The following WWP2 variants were observed in gnomAD, a reference collection of about 807,000 sequenced individuals.
WWP2 encodes the protein WW domain containing E3 ubiquitin protein ligase 2.
WWP2 carries 57 observed loss-of-function variants against 121.0 expected under a neutral mutation model. The observed-to-expected ratio is 0.47, with a 90% CI of 0.38 to 0.59. The LOEUF is 0.59. WWP2 is among the 20% of genes least tolerant of loss of function. The pLI, the probability that WWP2 is intolerant of heterozygous loss-of-function variation, is 0.00. For synonymous variants in WWP2, 449 were observed against 441.3 expected (o/e 1.02, Z -0.22); for missense variants, 962 against 1,158.9 (o/e 0.83, Z 2.47).
chr16:69,799,049 A>G lies in WWP2; in HGVS notation c.219-125A>G. 2 of 1,436,478 alleles carry G rather than the reference A, an allele frequency of 1.4e-6. No homozygotes were observed. Among genetic ancestry groups the G allele is most frequent in the Non-Finnish European group, 9.4e-7 (1 of 1,060,366 alleles). The allele number at this position is 1,436,478 out of a possible 1,614,324, so 89.0% of individuals were successfully genotyped here. On this transcript the variant is annotated intron_variant, in intron 3 of 23. Coordinates refer to ENST00000359154, the MANE Select transcript of WWP2 (RefSeq NM_001270454.2). The surrounding 1 kb of genome is among the most constrained non-coding windows in gnomAD (Gnocchi z 4.5). ...GGTCAGCTTTGAGAGGGGAAAGGAT[A>G]TATGTGGGTGTCTGCCTGTTTTGGT...
intron 1 of WWP2, chr16:69,786,149 T>TTTC (rs2055784501): frequency 6.7e-6 from 1 of 149,452 alleles, no homozygotes; most frequent in African/African-American, 2.5e-5. Flanking sequence ...TTTTTTTTTT[T>TTTC]TTCTTCTTTT....
intron 6 of WWP2, among the ~76,000 whole-genome samples, chr16:69,859,163 C>T (rs1021618040): frequency 6.6e-6 from 1 of 152,190 alleles, no homozygotes; most frequent in Non-Finnish European, 1.5e-5. Context: ...CAGGATCACA[C>T]GGCTGACTTT....
At chr16:69,838,758 C>T in intron 4 of WWP2, 1 of 985,394 alleles carries the variant, frequency 1.0e-6, no homozygotes, top group African/African-American at 1.7e-5. Flanking sequence ...ACGTTTAGTA[C>T]TCACCAAGGC....
chr16:69,925,226 C>G lies in WWP2; in HGVS notation c.1180-204C>G. 4.9e-6 allele frequency: 7 copies of G among 1,437,294 alleles called. No individual in the cohort carries two copies. Among genetic ancestry groups the G allele is most frequent in the Non-Finnish European group, 6.4e-6 (7 of 1,097,056 alleles). The allele number at this position is 1,437,294 out of a possible 1,614,324, so 89.0% of individuals were successfully genotyped here. On this transcript the variant is annotated intron_variant, in intron 10 of 23. Coordinates refer to ENST00000359154, the MANE Select transcript of WWP2 (RefSeq NM_001270454.2). The surrounding 1 kb of genome is among the most constrained non-coding windows in gnomAD (Gnocchi z 4.0). ...ACTTGGGCCCTCCGTGCGCAGGGTTCTTTTTTGGTTTTTCTGTAAAAATCA... is the reference window on the plus strand; with the variant it reads ...ACTTGGGCCCTCCGTGCGCAGGGTTGTTTTTTGGTTTTTCTGTAAAAATCA...
At chr16:69,843,483 G>A (rs2057016429) in intron 6 of WWP2, among the ~76,000 whole-genome samples, 1 of 152,110 alleles carries the variant, frequency 6.6e-6, no homozygotes, top group Non-Finnish European at 1.5e-5. Flanking sequence ...AGGACATTTT[G>A]AGGAAAATAA....
intron 8 of WWP2, among the ~76,000 whole-genome samples, chr16:69,889,436 T>C (rs570748718): frequency 1.3e-5 from 2 of 152,332 alleles, no homozygotes; most frequent in African/African-American, 4.8e-5. Context: ...ATTATAAGCA[T>C]GGACCTGTGA....
intron 2 of WWP2, among the ~76,000 whole-genome samples, chr16:69,796,310 G>A (rs917665952): frequency 6.6e-5 from 10 of 152,194 alleles, no homozygotes; most frequent in African/African-American, 2.2e-4. Flanking sequence ...CCCATCATAA[G>A]TTGAACATAT....
intron 7 of WWP2, among the ~76,000 whole-genome samples, chr16:69,880,855 T>C (rs912773613): frequency 1.3e-5 from 2 of 152,166 alleles, no homozygotes; most frequent in Non-Finnish European, 2.9e-5. Flanking sequence ...CGTGCCTGAG[T>C]GCAGGGCCGA....
chr16:69,780,728 G>C (rs2055645820), intron 1 of WWP2, among the ~76,000 whole-genome samples: 1 of 152,210 alleles, frequency 6.6e-6, no homozygotes, highest in Non-Finnish European at 1.5e-5. Flanking sequence ...TTTTGGCCTG[G>C]TGAAATGGCT....
At chr16:69,871,675 T>C (rs2057638713) in intron 6 of WWP2, 129 bp from the exon 7 acceptor site, 3 of 1,370,504 alleles carry the variant, frequency 2.2e-6, no homozygotes, top group Non-Finnish European at 3.0e-6. Flanking sequence ...AGTCCAAAAC[T>C]AGAGGGGCTA....
intron 1 of WWP2, among the ~76,000 whole-genome samples, chr16:69,784,769 T>C (rs2055746078): frequency 6.6e-6 from 1 of 152,154 alleles, no homozygotes; most frequent in African/African-American, 2.4e-5. Context: ...AATTAATTGC[T>C]TTTTGGGTGA....
chr16:69,800,907 C>T (rs1329630800), intron 4 of WWP2, among the ~76,000 whole-genome samples: 5 of 147,878 alleles, frequency 3.4e-5, no homozygotes, highest in African/African-American at 7.4e-5. Context: ...ATTTTATGGC[C>T]GGGGGTGGTA....
In WWP2 at chr16:69,931,501, T is replaced by C. The variant is rs375270394; in HGVS notation, c.1522-8T>C. 46 of 1,613,362 alleles carry C rather than the reference T, an allele frequency of 2.9e-5. No homozygotes were observed. The African/African-American group carries it at 4.1e-4, about 15-fold the overall frequency. The stretch of plus-strand genomic sequence containing the variant: ...CGATTTAAAGTTCTTTTCTTTTTTT[T>C]TTTTCAGTCAAATGCCCTACCTAGC... On this transcript the variant is annotated splice_polypyrimidine_tract_variant and splice_region_variant and intron_variant, in intron 14 of 23. Coordinates refer to ENST00000359154, the MANE Select transcript of WWP2 (RefSeq NM_001270454.2).
In WWP2 at chr16:69,799,836, A is replaced by G. The variant is rs2056124438; in HGVS notation, c.340+541A>G. Among the ~76,000 whole-genome samples the G allele has an allele frequency of 6.6e-6, 1 of 152,144 alleles. No individual in the cohort carries two copies. Among genetic ancestry groups the G allele is most frequent in the African/African-American group, 2.4e-5 (1 of 41,438 alleles). On this transcript the variant is annotated intron_variant, in intron 4 of 23. Transcript: ENST00000359154. The surrounding 1 kb of genome is among the most constrained non-coding windows in gnomAD (Gnocchi z 4.5). ...ATGGACGCGCCATCTGAATTAGCCA[A>G]CGTGCCTCTACGTCACGGACATATA...
intron 4 of WWP2, among the ~76,000 whole-genome samples, chr16:69,810,061 A>G (rs1337487818): frequency 2.6e-5 from 4 of 152,218 alleles, no homozygotes; most frequent in African/African-American, 4.8e-5. Flanking sequence ...TTCCCGCAGC[A>G]TCTTTTCCTG....
intron 4 of WWP2, among the ~76,000 whole-genome samples, chr16:69,813,904 CTA>C (rs561352603): frequency 4.4e-4 from 67 of 152,240 alleles, no homozygotes; most frequent in African/African-American, 1.4e-3. Context: ...GTAAAATTTA[CTA>C]TGTGATAAAG....
Position 69,939,836 on chromosome 16 carries a change from A to G in WWP2, c.2514-5A>G, listed in dbSNP as rs762571504. 1 of 1,612,794 alleles carries G rather than the reference A, an allele frequency of 6.2e-7. No homozygotes were observed. Among genetic ancestry groups the G allele is most frequent in the South Asian group, 1.1e-5 (1 of 90,838 alleles). ...CTGACTGTCGTGCTTCCCCACTCTC[A>G]ATAGCTTCAACCGTCTGGATCTTCC... On this transcript the variant is annotated splice_polypyrimidine_tract_variant and splice_region_variant and intron_variant, in intron 23 of 23. Coordinates refer to ENST00000359154, the MANE Select transcript of WWP2 (RefSeq NM_001270454.2).
chr16:69,937,415 T>TA lies in WWP2; in HGVS notation c.2239-132dup. 2 of 1,343,196 alleles carry TA rather than the reference T, an allele frequency of 1.5e-6. No homozygotes were observed. Among genetic ancestry groups the TA allele is most frequent in the South Asian group, 1.4e-5 (1 of 72,524 alleles). 83.2% of individuals were successfully genotyped at this position (1,343,196 alleles called of 1,614,324 possible). ...CACTTGTTTCAAGAAAGCAGGGACT[T>TA]ACATTACCCATATTATTAACGCTGA... On this transcript the variant is annotated intron_variant, in intron 20 of 23. Transcript: ENST00000359154. This position sits in a 1 kb window ranked among gnomAD's most constrained non-coding sequence, Gnocchi z 6.6.
At chr16:69,786,838 C>G (rs1388000584) in intron 1 of WWP2, among the ~76,000 whole-genome samples, 158 bp from the exon 2 acceptor site, 3 of 152,178 alleles carry the variant, frequency 2.0e-5, no homozygotes, top group Non-Finnish European at 4.4e-5. Context: ...TGTCCAGGTT[C>G]ATTAAGTCAT....
Sources: allele counts gnomAD v4.1 joint callset (sites outside exome capture counted in the v4.1 genomes callset), GRCh38; gene constraint gnomAD v4.1.1; non-coding constraint Gnocchi (gnomAD v3.1); transcripts MANE v1.5; gene names NCBI Gene and HGNC (gene_info 2026-07-23, HGNC 2026-07-21).